The following SLC4A4 variants were observed in gnomAD, a reference collection of about 807,000 sequenced individuals.
The protein encoded by SLC4A4 is solute carrier family 4 member 4, also known as electrogenic sodium bicarbonate cotransporter 1.
SLC4A4 carries 27 observed loss-of-function variants against 111.5 expected under a neutral mutation model. That is an observed-to-expected ratio of 0.24 (90% CI 0.18 to 0.33). SLC4A4 has a LOEUF of 0.33. SLC4A4 is among the 10% of genes least tolerant of loss of function. The probability of loss-of-function intolerance (pLI) is 1.00; values close to 1 mark genes in which losing one functional copy is unlikely to be tolerated. For missense variants in SLC4A4, 909 were observed against 1,315.5 expected (o/e 0.69, Z 4.78); for synonymous variants, 443 against 463.4 (o/e 0.96, Z 0.57).
At chr4:71,354,424 A>G (rs1369356688) in intron 5 of SLC4A4, among the ~76,000 whole-genome samples, 4 of 152,222 alleles carry the variant, frequency 2.6e-5, no homozygotes, top group Non-Finnish European at 5.9e-5. Context: ...AACCCGGAAC[A>G]TATTACAGAG....
chr4:71,486,410 G>T (rs554281962), intron 14 of SLC4A4, among the ~76,000 whole-genome samples: 1 of 151,346 alleles, frequency 6.6e-6, no homozygotes, highest in Non-Finnish European at 1.5e-5. Flanking sequence ...TTTAAAATTA[G>T]ATTAAATGTT....
At chr4:71,534,427 T>C in intron 18 of SLC4A4, 39 bp downstream of exon 18, 1 of 1,591,600 alleles carries the variant, frequency 6.3e-7, no homozygotes, top group Non-Finnish European at 8.6e-7. Flanking sequence ...GCCTTCTACT[T>C]TCTTTTTAGT....
rs745768466 is a variant in SLC4A4 at position 71,567,019 on chromosome 4, C to A, written c.3212C>A (p.Thr1071Lys). The change falls in exon 25 of 26, where the codon ACA (threonine) becomes AAA (lysine). Residue 1071 changes from threonine (T) to lysine (K), a missense_variant. This residue lies in a region of SLC4A4 where 85 missense variants were observed against 79.8 expected (regional missense o/e 1.07). Coordinates refer to ENST00000264485, the MANE Select transcript of SLC4A4 (RefSeq NM_001098484.3). ...SKPSDRERSP[T>K]FLERHTSC ...TATTTTCCAGGAGAAAGATCACCAA[C>A]ATTCCTTGAACGCCACACATCATGC... 48 of 1,609,992 alleles carry A rather than the reference C, an allele frequency of 3.0e-5. No individual in the cohort carries two copies. Among genetic ancestry groups the A allele is most frequent in the Non-Finnish European group, 4.0e-5 (47 of 1,177,412 alleles).
intron 9 of SLC4A4, among the ~76,000 whole-genome samples, chr4:71,449,536 T>G (rs955426760): frequency 6.6e-5 from 10 of 152,184 alleles, no homozygotes; most frequent in Non-Finnish European, 1.3e-4. Flanking sequence ...CTGTTAAATG[T>G]TACTTAATTG....
chr4:71,210,795 T>A (rs1045165504), intron 1 of SLC4A4, among the ~76,000 whole-genome samples: 4 of 152,252 alleles, frequency 2.6e-5, no homozygotes, highest in Non-Finnish European at 5.9e-5. Context: ...ATCTCCTGAA[T>A]GAAGTGTCTG....
At chr4:71,341,593 T>C (rs1162481023) in intron 4 of SLC4A4, among the ~76,000 whole-genome samples, 1 of 152,200 alleles carries the variant, frequency 6.6e-6, no homozygotes, top group Non-Finnish European at 1.5e-5. Flanking sequence ...CTTTAAAATT[T>C]CTTACATCAT....
intron 5 of SLC4A4, among the ~76,000 whole-genome samples, chr4:71,351,228 C>G (rs780149168): frequency 6.6e-6 from 1 of 152,210 alleles, no homozygotes; most frequent in Non-Finnish European, 1.5e-5. Context: ...ATCACTTACC[C>G]GTAATGTCTT....
chr4:71,439,067 C>G (rs1396153345), intron 7 of SLC4A4, among the ~76,000 whole-genome samples: 7 of 151,682 alleles, frequency 4.6e-5, no homozygotes, highest in Admixed American at 2.0e-4. Context: ...CATTTCTCAG[C>G]TTTTTTTGAT....
intron 3 of SLC4A4, among the ~76,000 whole-genome samples, chr4:71,286,404 T>C (rs1275141399): frequency 6.6e-6 from 1 of 152,238 alleles, no homozygotes; most frequent in African/African-American, 2.4e-5. Context: ...CATATGCTTT[T>C]GTACTGATCA....
intron 9 of SLC4A4, 49 bp from the exon 10 acceptor site, chr4:71,450,340 A>G: frequency 7.7e-7 from 1 of 1,298,846 alleles, no homozygotes; most frequent in Non-Finnish European, 1.1e-6. Flanking sequence ...GGTGTGAAGC[A>G]TGTACAGAGT....
chr4:71,396,169 A>G (rs1393075012), intron 6 of SLC4A4, among the ~76,000 whole-genome samples: 2 of 152,178 alleles, frequency 1.3e-5, no homozygotes, highest in Non-Finnish European at 2.9e-5. Flanking sequence ...CACATTTTCA[A>G]ATGTTATTTT....
At chr4:71,108,102 A>G (rs995160070) in intron 2 of SLC4A4, among the ~76,000 whole-genome samples, 2 of 152,288 alleles carry the variant, frequency 1.3e-5, no homozygotes, top group East Asian at 1.9e-4. Flanking sequence ...CAAAATTACA[A>G]CTTTTTACAG....
intron 14 of SLC4A4, 38 bp downstream of exon 14, chr4:71,473,008 A>G (rs569161491): frequency 6.2e-7 from 1 of 1,611,316 alleles, no homozygotes; most frequent in South Asian, 1.1e-5. Flanking sequence ...CTCGCTTTGT[A>G]TTTGGAGGAA....
At chr4:71,320,525 C>T (rs1727039294) in intron 3 of SLC4A4, among the ~76,000 whole-genome samples, 1 of 151,982 alleles carries the variant, frequency 6.6e-6, no homozygotes, top group African/African-American at 2.4e-5. Flanking sequence ...ATTTTTCCTG[C>T]CCTTCTCACG....
chr4:71,505,594 T>C (rs1018081480), intron 16 of SLC4A4, among the ~76,000 whole-genome samples: 2 of 152,126 alleles, frequency 1.3e-5, no homozygotes, highest in South Asian at 4.1e-4. Flanking sequence ...ATATTAGACC[T>C]TTGTCGGATA....
rs1173042181 is a variant in SLC4A4 at position 71,569,472 on chromosome 4, CACACTGAAAATTAG to C, written c.*1725_*1738del. Reference sequence around the variant, plus strand: ...TATATGTATGTATATTTCAAAGTACCACACTGAAAATTAGACATTTATTAACCAAATTTAACGTG... The same window carrying C: ...TATATGTATGTATATTTCAAAGTACCACATTTATTAACCAAATTTAACGTG... On this transcript the variant is annotated 3_prime_UTR_variant, in exon 26 of 26. Coordinates refer to ENST00000264485, the MANE Select transcript of SLC4A4 (RefSeq NM_001098484.3). 4.0e-5 allele frequency: 6 copies of C among 151,282 alleles called. No individual in the cohort carries two copies. Among genetic ancestry groups the C allele is most frequent in the Non-Finnish European group, 8.9e-5 (6 of 67,670 alleles). 9.4% of individuals were successfully genotyped at this position (151,282 alleles called of 1,614,324 possible). A position where few individuals can be genotyped will look rare whatever the true frequency, so the allele number is the denominator to read the frequency against.
In SLC4A4 at chr4:71,394,935, AGG is replaced by A. The variant is rs1216316081; in HGVS notation, c.731-2638_731-2637del. Among the ~76,000 whole-genome samples, 26 of 152,204 alleles carry A rather than the reference AGG, an allele frequency of 1.7e-4. No individual in the cohort carries two copies. In the South Asian group the frequency reaches 2.3e-3, roughly 13 times the overall value. ...TTGGGAACTTGAGGGGAAGTGTGGG[AGG>A]GGGTGAGGGATTAAAGACAACAAAT... On this transcript the variant is annotated intron_variant, in intron 6 of 25. Transcript: ENST00000264485.
chr4:71,546,583 G>C, intron 19 of SLC4A4, 55 bp downstream of exon 19: 1 of 1,451,932 alleles, frequency 6.9e-7, no homozygotes, highest in Non-Finnish European at 9.6e-7. Flanking sequence ...ACACATCTAT[G>C]TGGCAATCAT....
At chr4:71,153,649 G>C (rs545077506) in intron 2 of SLC4A4, among the ~76,000 whole-genome samples, 7 of 152,238 alleles carry the variant, frequency 4.6e-5, no homozygotes, top group African/African-American at 1.7e-4. Flanking sequence ...ATGGTACATA[G>C]TAGGCACTCA....
Sources: allele counts gnomAD v4.1 joint callset (sites outside exome capture counted in the v4.1 genomes callset), GRCh38; gene constraint gnomAD v4.1.1; regional missense constraint gnomAD v4.1.1; transcripts MANE v1.5; gene names NCBI Gene and HGNC (gene_info 2026-07-23, HGNC 2026-07-21).